TRPM7: variants seen among roughly 807,000 people sequenced by gnomAD.
The protein encoded by TRPM7 is LTRPC ion channel family member 7.
TRPM7 carries 134 observed loss-of-function variants against 229.7 expected under a neutral mutation model. The ratio of observed to expected loss-of-function variants is 0.58; its 90% CI spans 0.51 to 0.67. TRPM7 has a LOEUF of 0.67. Ranked by LOEUF, TRPM7 falls within the 30% of genes least tolerant of loss-of-function variation. The pLI, the probability that TRPM7 is intolerant of heterozygous loss-of-function variation, is 0.00. For missense variants in TRPM7, 1,901 were observed against 2,210.0 expected, an observed-to-expected ratio of 0.86 and a Z score of 2.80; for synonymous variants, 699 against 715.2, an observed-to-expected ratio of 0.98 and a Z score of 0.36.
intron 3 of TRPM7, among the ~76,000 whole-genome samples, chr15:50,651,511 T>C (rs1348472239): frequency 2.0e-5 from 3 of 151,900 alleles, no homozygotes; most frequent in Non-Finnish European, 4.4e-5. Flanking sequence ...AGAAAGACCA[T>C]GCTTGTTGGG....
rs751190106 is a variant in TRPM7 at position 50,605,066 on chromosome 15, T to C, written c.2788A>G (p.Ile930Val). 64 of 1,613,724 alleles carry C rather than the reference T, an allele frequency of 4.0e-5. No individual in the cohort carries two copies. The highest frequency in any genetic ancestry group is 8.3e-5 in the Admixed American group (5 of 59,986). The change falls in exon 21 of 39, where the codon ATT (isoleucine) becomes GTT (valine). Residue 930 changes from isoleucine (I) to valine (V), a missense_variant. Around this residue, in one of 8 missense-constraint regions of TRPM7, gnomAD observed 207 missense variants for 241.5 expected, o/e 0.86. Coordinates refer to ENST00000646667, the MANE Select transcript of TRPM7 (RefSeq NM_017672.6). ...CCAATGAAGAAAGAAATTATGGCAA[T>C]TGTATCACTGATGTTGAAGTAATCA... Reference protein sequence around the residue: ...FSDYFNISDTIAIISFFIGFG... With the variant: ...FSDYFNISDTVAIISFFIGFG...
In TRPM7 at chr15:50,673,121, A is replaced by T. The variant is rs9920541; in HGVS notation, c.4-10075T>A. Reference sequence around the variant, plus strand: ...TAAATTTAGTGTAGGCTAGGTGTACAGTGTTTATCAAGTCTACATAAGTGT... The same window carrying T: ...TAAATTTAGTGTAGGCTAGGTGTACTGTGTTTATCAAGTCTACATAAGTGT... On this transcript the variant is annotated intron_variant, in intron 1 of 38. Coordinates refer to ENST00000646667, the MANE Select transcript of TRPM7 (RefSeq NM_017672.6). Among the ~76,000 whole-genome samples the T allele has an allele frequency of 7.9e-3, 1,202 of 151,844 alleles. 20 individuals carry two copies. The highest frequency in any genetic ancestry group is 0.028 in the African/African-American group (1,151 of 41,334).
chr15:50,595,261 G>T (rs1208711947), intron 23 of TRPM7, among the ~76,000 whole-genome samples: 1 of 151,534 alleles, frequency 6.6e-6, no homozygotes. Flanking sequence ...AATACTCAGT[G>T]TGGGCCGAGT....
chr15:50,623,143 G>A (rs983548321), intron 12 of TRPM7, among the ~76,000 whole-genome samples: 19 of 152,170 alleles, frequency 1.2e-4, no homozygotes. Flanking sequence ...GCCGGGTGCA[G>A]TGGCTCACGC....
chr15:50,617,347 A>C (rs1172719735), intron 13 of TRPM7, among the ~76,000 whole-genome samples: 1 of 150,746 alleles, frequency 6.6e-6, no homozygotes, highest in Non-Finnish European at 1.5e-5. Context: ...AAAAAAAAAA[A>C]AACAAATCAG....
intron 5 of TRPM7, among the ~76,000 whole-genome samples, chr15:50,642,990 C>T: frequency 6.6e-6 from 1 of 151,886 alleles, no homozygotes; most frequent in East Asian, 1.9e-4. Context: ...TATCTAATTG[C>T]TATTATAAAA....
At chr15:50,683,308 G>T (rs1211188568) in intron 1 of TRPM7, among the ~76,000 whole-genome samples, 1 of 151,822 alleles carries the variant, frequency 6.6e-6, no homozygotes, top group African/African-American at 2.4e-5. Flanking sequence ...AACCCAGAAT[G>T]AAATAATAGA....
intron 38 of TRPM7, among the ~76,000 whole-genome samples, chr15:50,563,475 A>C (rs557939742): frequency 6.6e-6 from 1 of 152,352 alleles, no homozygotes; most frequent in Non-Finnish European, 1.5e-5. Flanking sequence ...TCCAGGAAAC[A>C]AGGTGGTAGC....
chr15:50,685,109 T>C (rs2062327709), intron 1 of TRPM7, among the ~76,000 whole-genome samples: 1 of 152,238 alleles, frequency 6.6e-6, no homozygotes, highest in East Asian at 1.9e-4. Context: ...GTTGAAGCTG[T>C]TGAAACTGGC....
At position 50,574,931 on chromosome 15, in the gene TRPM7, A is replaced by G; in HGVS notation, c.4940T>C (p.Ile1647Thr). 5 of 1,614,048 alleles carry G rather than the reference A, an allele frequency of 3.1e-6. No individual in the cohort carries two copies. Among genetic ancestry groups the G allele is most frequent in the Non-Finnish European group, 4.2e-6 (5 of 1,179,916 alleles). The change falls in exon 34 of 39, where the codon ATC (isoleucine) becomes ACC (threonine). Residue 1647 changes from isoleucine (I) to threonine (T), a missense_variant. This residue lies in a region of TRPM7 where 257 missense variants were observed against 352.0 expected (regional missense o/e 0.73). Transcript: ENST00000646667. ...DILKSGHLYI[I>T]KSFLPEVVNT... is the part of the protein sequence containing the mutation. ...AACCACCTCTGGAAGAAAAGATTTG[A>G]TAATATAAAGATGCCCTGATTTGAG...
At chr15:50,681,408 T>G (rs374187416) in intron 1 of TRPM7, among the ~76,000 whole-genome samples, 13 of 152,216 alleles carry the variant, frequency 8.5e-5, no homozygotes, top group African/African-American at 3.1e-4. Flanking sequence ...GTACTGGGTA[T>G]GATAAATTAG....
In TRPM7 at chr15:50,631,494, T is replaced by C. The variant is rs1201589848; in HGVS notation, c.1132-5A>G. On this transcript the variant is annotated splice_polypyrimidine_tract_variant and splice_region_variant and intron_variant, in intron 9 of 38. Transcript: ENST00000646667. ...CCCAATATGGAAAACAGTGATCTAT[T>C]TAAAGATAAATTTATAACATTATGC... 6.3e-7 allele frequency: 1 copy of C among 1,578,986 alleles called. No homozygotes were observed. Among genetic ancestry groups the C allele is most frequent in the East Asian group, 2.2e-5 (1 of 44,564 alleles).
At chr15:50,562,475 A>G (rs1023618523) in intron 38 of TRPM7, among the ~76,000 whole-genome samples, 3 of 152,226 alleles carry the variant, frequency 2.0e-5, no homozygotes, top group South Asian at 2.1e-4. Flanking sequence ...TAAGCAGTAA[A>G]AAGTGCCTTG....
chr15:50,563,216 C>T lies in TRPM7; in HGVS notation c.5468-1408G>A, dbSNP rs143483115. On this transcript the variant is annotated intron_variant, in intron 38 of 38. Coordinates refer to ENST00000646667, the MANE Select transcript of TRPM7 (RefSeq NM_017672.6). ...GTCTGTGGTTATTTCCACACCACGA[C>T]GGTAGAACTGTGTAGCTGGGACAGA... is the stretch of plus-strand genomic sequence containing the variant. Among the ~76,000 whole-genome samples the T allele has an allele frequency of 1.6e-3, 237 of 152,190 alleles. 2 individuals are homozygous for T. The highest frequency in any genetic ancestry group is 5.4e-3 in the Admixed American group (83 of 15,288).
intron 9 of TRPM7, among the ~76,000 whole-genome samples, 182 bp from the exon 10 acceptor site, chr15:50,631,671 T>C (rs1270951534): frequency 2.6e-5 from 4 of 152,090 alleles, no homozygotes; most frequent in African/African-American, 7.2e-5. Context: ...TTAGTAACTT[T>C]ATTTCAACCA....
At chr15:50,678,872 AC>A (rs989785952) in intron 1 of TRPM7, among the ~76,000 whole-genome samples, 3 of 108,842 alleles carry the variant, frequency 2.8e-5, no homozygotes, top group African/African-American at 9.5e-5. Context: ...CTTTGCAAAA[AC>A]AAAAAAAAAA....
chr15:50,613,576 A>G (rs1338509812), intron 15 of TRPM7, 131 bp downstream of exon 15: 1 of 635,136 alleles, frequency 1.6e-6, no homozygotes, highest in Non-Finnish European at 2.4e-6. Context: ...AGAAAATGAC[A>G]ATTCTAGGAC....
In TRPM7 at chr15:50,654,925, C is replaced by G. The variant is rs1040185521; in HGVS notation, c.122+2856G>C. Among the ~76,000 whole-genome samples the G allele has an allele frequency of 5.5e-5, 8 of 144,790 alleles. 1 individual carries two copies. Among genetic ancestry groups the G allele is most frequent in the Non-Finnish European group, 1.2e-4 (8 of 66,048 alleles). The allele number at this position is 144,790 out of a possible 152,430, so 95.0% of individuals were successfully genotyped here. On this transcript the variant is annotated intron_variant, in intron 3 of 38. Transcript: ENST00000646667. ...CTGAGGCAGGAGAATGGCATGAACC[C>G]AGGATGCAGAGCTTGCAGTGAGCTG...
chr15:50,652,840 A>G (rs79705780), intron 3 of TRPM7, among the ~76,000 whole-genome samples: 2,127 of 152,234 alleles, frequency 0.014, 41 homozygotes, highest in Non-Finnish European at 0.017. Flanking sequence ...TCTCAAAAAA[A>G]GAAAAAAAGG....
Sources: allele counts gnomAD v4.1 joint callset (sites outside exome capture counted in the v4.1 genomes callset), GRCh38; gene constraint gnomAD v4.1.1; regional missense constraint gnomAD v4.1.1; transcripts MANE v1.5; gene names NCBI Gene and HGNC (gene_info 2026-07-23, HGNC 2026-07-21).